The following WFDC9 variants were observed in gnomAD, a reference collection of about 807,000 sequenced individuals.
WFDC9 encodes protein WFDC9.
A neutral mutation model predicts 9.5 loss-of-function variants in WFDC9; 9 were observed. The observed-to-expected ratio is 0.95, with a 90% CI of 0.57 to 1.65. The LOEUF is 1.65. Among genes scored for constraint, WFDC9 ranks in the 40% most tolerant of loss-of-function variants. WFDC9 has a pLI of 0.00. For missense variants in WFDC9, 87 were observed against 106.7 expected, an observed-to-expected ratio of 0.82 and a Z score of 0.81; for synonymous variants, 33 against 32.3, an observed-to-expected ratio of 1.02 and a Z score of -0.07.
At chr20:45,629,090 T>C (rs565021392) in intron 1 of WFDC9, among the ~76,000 whole-genome samples, 2 of 152,340 alleles carry the variant, frequency 1.3e-5, no homozygotes, top group East Asian at 3.9e-4. Context: ...CAATAGTCTC[T>C]CTTTCTGTGT....
chr20:45,629,399 G>C (rs1048899925), intron 1 of WFDC9: 1 of 154,486 alleles, frequency 6.5e-6, no homozygotes, highest in Non-Finnish European at 1.4e-5. Flanking sequence ...TATATTAAAA[G>C]GATTGTTTAT....
intron 1 of WFDC9, chr20:45,629,834 G>C (rs138335721): frequency 6.2e-7 from 1 of 1,613,890 alleles, no homozygotes; most frequent in Non-Finnish European, 8.5e-7. Context: ...AGACTCTGCT[G>C]CCTGTCCTGG....
rs577865503 is a variant in WFDC9 at position 45,614,113 on chromosome 20, A to T, written c.-59+515T>A. ...TGTTCATTCACACGGCCTCATTCTT[A>T]CTCTAGTTTTCTTTCTTTCTTTCTT... On this transcript the variant is annotated intron_variant, in intron 2 of 4. Coordinates refer to ENST00000326000, the MANE Select transcript of WFDC9 (RefSeq NM_147198.4). Among the ~76,000 whole-genome samples the T allele has an allele frequency of 7.9e-5, 12 of 152,114 alleles. No individual in the cohort carries two copies. The East Asian group carries it at 2.3e-3, about 29-fold the overall frequency.
At position 45,620,383 on chromosome 20, in the gene WFDC9, G is replaced by A. The variant is rs111860423; in HGVS notation, c.-152-5662C>T. 1.4e-4 allele frequency among the ~76,000 whole-genome samples: 22 copies of A among 152,240 alleles called. 1 individual carries two copies. Among genetic ancestry groups the A allele is most frequent in the African/African-American group, 5.3e-4 (22 of 41,556 alleles). On this transcript the variant is annotated intron_variant, in intron 1 of 4. Transcript: ENST00000326000. ...GAGGTGGGTGGATTGCTTGAGGCCA[G>A]GAGTTCAAGACCAGCCTGGCCAACA... is the stretch of plus-strand genomic sequence containing the variant.
At chr20:45,621,125 A>G (rs1001866527) in intron 1 of WFDC9, among the ~76,000 whole-genome samples, 1 of 152,164 alleles carries the variant, frequency 6.6e-6, no homozygotes, top group African/African-American at 2.4e-5. Flanking sequence ...AAAAGCCATT[A>G]TTGTATTCTG....
chr20:45,617,895 T>C (rs1244440778), intron 1 of WFDC9, among the ~76,000 whole-genome samples: 2 of 151,594 alleles, frequency 1.3e-5, no homozygotes, highest in African/African-American at 4.9e-5. Flanking sequence ...TACCAGAAAG[T>C]AAGCTAGAGA....
intron 1 of WFDC9, among the ~76,000 whole-genome samples, chr20:45,622,133 T>C (rs1206281251): frequency 2.6e-5 from 4 of 152,228 alleles, no homozygotes; most frequent in Non-Finnish European, 5.9e-5. Flanking sequence ...CCCTCATAGT[T>C]CAGGATGTAA....
intron 2 of WFDC9, among the ~76,000 whole-genome samples, chr20:45,613,822 C>A (rs1279428585): frequency 1.3e-5 from 2 of 152,130 alleles, no homozygotes; most frequent in African/African-American, 4.8e-5. Flanking sequence ...GTGAATATAC[C>A]AGCACATGGC....
At chr20:45,627,407 T>C (rs1231092627) in intron 1 of WFDC9, among the ~76,000 whole-genome samples, 1 of 152,170 alleles carries the variant, frequency 6.6e-6, no homozygotes, top group Non-Finnish European at 1.5e-5. Context: ...TTAATTTATA[T>C]TTAAAGGGTC....
intron 1 of WFDC9, among the ~76,000 whole-genome samples, chr20:45,624,061 A>G (rs759803941): frequency 9.9e-5 from 15 of 151,968 alleles, no homozygotes; most frequent in South Asian, 2.1e-4. Context: ...GCATGGTGGC[A>G]CGTGCCTGTA....
At chr20:45,613,952 C>G (rs1600918081) in intron 2 of WFDC9, among the ~76,000 whole-genome samples, 1 of 152,130 alleles carries the variant, frequency 6.6e-6, no homozygotes, top group South Asian at 2.1e-4. Context: ...TGGTACCAAC[C>G]CTTTGCATAA....
chr20:45,621,583 T>C (rs1319369740), intron 1 of WFDC9, among the ~76,000 whole-genome samples: 1 of 152,234 alleles, frequency 6.6e-6, no homozygotes, highest in East Asian at 1.9e-4. Flanking sequence ...ACTTGGTTTA[T>C]GGTAGATATC....
At chr20:45,615,373 T>C (rs1041696997) in intron 1 of WFDC9, among the ~76,000 whole-genome samples, 1 of 152,176 alleles carries the variant, frequency 6.6e-6, no homozygotes, top group Admixed American at 6.5e-5. Context: ...AACAGTCAAG[T>C]GGGCAGGAGG....
At chr20:45,628,181 A>C (rs1168747464) in intron 1 of WFDC9, among the ~76,000 whole-genome samples, 1 of 152,226 alleles carries the variant, frequency 6.6e-6, no homozygotes, top group East Asian at 1.9e-4. Context: ...CTGAAATACA[A>C]TATACTTTTT....
intron 1 of WFDC9, among the ~76,000 whole-genome samples, chr20:45,619,566 G>A (rs1247838675): frequency 6.6e-6 from 1 of 152,112 alleles, no homozygotes; most frequent in Non-Finnish European, 1.5e-5. Context: ...GTAGTAATGA[G>A]ATCTACATTA....
intron 1 of WFDC9, among the ~76,000 whole-genome samples, chr20:45,627,984 A>G (rs1808307345): frequency 6.6e-6 from 1 of 152,156 alleles, no homozygotes; most frequent in South Asian, 2.1e-4. Flanking sequence ...AATTAAGTCA[A>G]GCTTATTAAT....
intron 1 of WFDC9, among the ~76,000 whole-genome samples, chr20:45,626,201 G>A (rs971863611): frequency 2.0e-5 from 3 of 152,090 alleles, no homozygotes; most frequent in African/African-American, 4.8e-5. Flanking sequence ...CTAGAGCTTG[G>A]TAGTATATTT....
At chr20:45,611,397 A>G (rs1334469198) in intron 2 of WFDC9, among the ~76,000 whole-genome samples, 1 of 152,182 alleles carries the variant, frequency 6.6e-6, no homozygotes, top group Non-Finnish European at 1.5e-5. Context: ...GACTAATTTC[A>G]TGGGCCTGCA....
intron 2 of WFDC9, among the ~76,000 whole-genome samples, chr20:45,613,284 C>A (rs1487586142): frequency 6.6e-6 from 1 of 152,150 alleles, no homozygotes; most frequent in Non-Finnish European, 1.5e-5. Context: ...AGGCGCGGAG[C>A]CTTTCCATCA....
Sources: allele counts gnomAD v4.1 joint callset (sites outside exome capture counted in the v4.1 genomes callset), GRCh38; gene constraint gnomAD v4.1.1; transcripts MANE v1.5; gene names NCBI Gene and HGNC (gene_info 2026-07-23, HGNC 2026-07-21).